The following KCNQ3 variants were observed in gnomAD, a reference collection of about 807,000 sequenced individuals.
The protein encoded by KCNQ3 is potassium voltage-gated channel subfamily KQT member 3.
A neutral mutation model predicts 92.5 loss-of-function variants in KCNQ3; 30 were observed. The ratio of observed to expected loss-of-function variants is 0.32; its 90% confidence interval spans 0.24 to 0.44. The LOEUF is 0.44. KCNQ3 is among the 20% of genes least tolerant of loss of function. The pLI, the probability that KCNQ3 is intolerant of heterozygous loss-of-function variation, is 1.00. For missense variants in KCNQ3, 913 were observed against 1,140.3 expected (o/e 0.80, Z 2.87); for synonymous variants, 450 against 468.8 (o/e 0.96, Z 0.52).
chr8:132,255,324 G>C (rs1458393253), intron 1 of KCNQ3, among the ~76,000 whole-genome samples: 2 of 152,222 alleles, frequency 1.3e-5, no homozygotes, highest in Non-Finnish European at 2.9e-5. Context: ...CTTTCCCAAA[G>C]AGGGCAGACT....
At chr8:132,281,486 A>G (rs773228922) in intron 1 of KCNQ3, among the ~76,000 whole-genome samples, 2 of 152,032 alleles carry the variant, frequency 1.3e-5, no homozygotes, top group Non-Finnish European at 2.9e-5. Context: ...TATATGGAAT[A>G]TATGTATACA....
intron 1 of KCNQ3, among the ~76,000 whole-genome samples, chr8:132,383,403 A>G (rs1347193708): frequency 6.6e-6 from 1 of 152,216 alleles, no homozygotes; most frequent in Admixed American, 6.5e-5. Flanking sequence ...GCCAGCCTGC[A>G]GGGATCTGGG....
chr8:132,315,935 A>G (rs1241378232), intron 1 of KCNQ3, among the ~76,000 whole-genome samples: 1 of 152,190 alleles, frequency 6.6e-6, no homozygotes, highest in Non-Finnish European at 1.5e-5. Flanking sequence ...TAGAGGCAGT[A>G]GGGAAACTGT....
At chr8:132,375,731 C>T (rs2081160660) in intron 1 of KCNQ3, among the ~76,000 whole-genome samples, 1 of 152,146 alleles carries the variant, frequency 6.6e-6, no homozygotes, top group Admixed American at 6.5e-5. Context: ...CTGGGTTACA[C>T]TCTCTCTCCA....
intron 1 of KCNQ3, among the ~76,000 whole-genome samples, chr8:132,385,185 T>C (rs1286181803): frequency 3.9e-5 from 6 of 152,244 alleles, no homozygotes; most frequent in African/African-American, 1.2e-4. Flanking sequence ...TGAGAGATCA[T>C]CCCAGCTTCA....
At position 132,356,529 on chromosome 8, in the gene KCNQ3, C is replaced by T. The variant is rs1249038109; in HGVS notation, c.386+123618G>A. 3.9e-5 allele frequency among the ~76,000 whole-genome samples: 6 copies of T among 152,172 alleles called. No individual in the cohort carries two copies. In the South Asian group the frequency reaches 8.3e-4, roughly 21 times the overall value. ...TGTCCACTCTGCAGACTCATCTTTC[C>T]CCTCAGGAATAACACACACTCTAGT... On this transcript the variant is annotated intron_variant, in intron 1 of 14. Transcript: ENST00000388996.
At chr8:132,292,635 T>C (rs1409543666) in intron 1 of KCNQ3, among the ~76,000 whole-genome samples, 1 of 151,712 alleles carries the variant, frequency 6.6e-6, no homozygotes, top group Non-Finnish European at 1.5e-5. Context: ...TCATCTGTCT[T>C]AGGTTCAGTA....
intron 1 of KCNQ3, among the ~76,000 whole-genome samples, chr8:132,233,322 T>C (rs1434299886): frequency 6.6e-6 from 1 of 152,244 alleles, no homozygotes; most frequent in Non-Finnish European, 1.5e-5. Context: ...TTCTTTTCTG[T>C]TTTTATTTTC....
At chr8:132,230,975 C>T (rs1935867053) in intron 1 of KCNQ3, among the ~76,000 whole-genome samples, 1 of 152,098 alleles carries the variant, frequency 6.6e-6, no homozygotes, top group Non-Finnish European at 1.5e-5. Context: ...ATGATGGGCC[C>T]AAATCTGATA....
intron 1 of KCNQ3, among the ~76,000 whole-genome samples, chr8:132,399,671 G>A (rs1285796289): frequency 6.6e-6 from 1 of 152,184 alleles, no homozygotes; most frequent in Non-Finnish European, 1.5e-5. Flanking sequence ...ACTAGAATTA[G>A]TATCGCAATA....
At chr8:132,164,205 T>C (rs946059473) in intron 8 of KCNQ3, among the ~76,000 whole-genome samples, 1 of 152,090 alleles carries the variant, frequency 6.6e-6, no homozygotes, top group Admixed American at 6.5e-5. Flanking sequence ...TCATCCTTTA[T>C]GTACACCTGG....
At chr8:132,249,648 C>T (rs944850260) in intron 1 of KCNQ3, among the ~76,000 whole-genome samples, 3 of 152,354 alleles carry the variant, frequency 2.0e-5, no homozygotes, top group Admixed American at 6.5e-5. Context: ...AGTCCCACGC[C>T]GTGCGCCTGC....
chr8:132,226,042 C>T (rs1045976924), intron 1 of KCNQ3, among the ~76,000 whole-genome samples: 2 of 152,056 alleles, frequency 1.3e-5, no homozygotes, highest in East Asian at 1.9e-4. Context: ...GAGGCCAAGG[C>T]GGGTGGATCA....
chr8:132,127,633 CTTGA>C lies in KCNQ3; in HGVS notation c.*1625_*1628del, dbSNP rs1824714164. The C allele has an allele frequency of 6.6e-6, 1 of 152,202 alleles. No homozygotes were observed. Among genetic ancestry groups the C allele is most frequent in the African/African-American group, 2.4e-5 (1 of 41,438 alleles). The allele number at this position is 152,202 out of a possible 1,614,324, so 9.4% of individuals were successfully genotyped here. ...CATTTGTTTAGGTCATCTGGATTAT[CTTGA>C]TTGTCACCATGGCAACTATCCACAA... On this transcript the variant is annotated 3_prime_UTR_variant, in exon 15 of 15. Coordinates refer to ENST00000388996, the MANE Select transcript of KCNQ3 (RefSeq NM_004519.4).
At chr8:132,460,568 A>G (rs1048214729) in intron 1 of KCNQ3, among the ~76,000 whole-genome samples, 2 of 152,136 alleles carry the variant, frequency 1.3e-5, no homozygotes, top group African/African-American at 2.4e-5. Context: ...CTTACGTACT[A>G]GGCCTTTTGT....
chr8:132,303,727 T>G (rs1290976350), intron 1 of KCNQ3, among the ~76,000 whole-genome samples: 1 of 140,330 alleles, frequency 7.1e-6, no homozygotes, highest in Admixed American at 7.3e-5. Flanking sequence ...ACCACATATA[T>G]GTACATGCCA....
intron 1 of KCNQ3, among the ~76,000 whole-genome samples, chr8:132,237,370 T>C (rs1391663287): frequency 1.3e-5 from 2 of 152,228 alleles, no homozygotes; most frequent in African/African-American, 2.4e-5. Context: ...AATATGTCAG[T>C]TGATTCTCAT....
chr8:132,424,596 TG>T (rs1006923137), intron 1 of KCNQ3, among the ~76,000 whole-genome samples: 3 of 152,208 alleles, frequency 2.0e-5, no homozygotes, highest in Admixed American at 6.5e-5. Flanking sequence ...ATTCATTTCC[TG>T]GGGTTCTCTT....
intron 1 of KCNQ3, among the ~76,000 whole-genome samples, chr8:132,470,903 T>C (rs991253740): frequency 6.6e-6 from 1 of 152,220 alleles, no homozygotes; most frequent in African/African-American, 2.4e-5. Flanking sequence ...TGTCTATTAT[T>C]TCTTTATGAT....
Sources: allele counts gnomAD v4.1 joint callset (sites outside exome capture counted in the v4.1 genomes callset), GRCh38; gene constraint gnomAD v4.1.1; transcripts MANE v1.5; gene names NCBI Gene and HGNC (gene_info 2026-07-23, HGNC 2026-07-21).